SYT12: variants seen among roughly 807,000 people sequenced by gnomAD.
The protein encoded by SYT12 is synaptotagmin-12.
In SYT12, 27 loss-of-function variants were observed where a neutral mutation model predicts 39.5. That is an observed-to-expected ratio of 0.68 (90% CI 0.50 to 0.94). The LOEUF (loss-of-function observed/expected upper bound fraction) is 0.94, where lower values mean the gene tolerates loss of function less well. Among genes scored for constraint, SYT12 ranks in the 40% least tolerant of loss-of-function variants. The pLI, the probability that SYT12 is intolerant of heterozygous loss-of-function variation, is 0.00. For synonymous variants in SYT12, 233 were observed against 239.7 expected, an observed-to-expected ratio of 0.97 and a Z score of 0.26; for missense variants, 536 against 572.6, an observed-to-expected ratio of 0.94 and a Z score of 0.65.
chr11:67,035,002 CTTTTTTT>C (rs11316433), intron 3 of SYT12, among the ~76,000 whole-genome samples, 164 bp downstream of exon 3: 30 of 112,104 alleles, frequency 2.7e-4, no homozygotes, highest in South Asian at 1.4e-3. Context: ...ACATCTTCAA[CTTTTTTT>C]TTTTTTTTTT....
intron 3 of SYT12, among the ~76,000 whole-genome samples, chr11:67,036,688 C>T (rs1468687833): frequency 6.6e-6 from 1 of 152,112 alleles, no homozygotes; most frequent in African/African-American, 2.4e-5. Context: ...GTAATCCCAG[C>T]ACTTTGGGAG....
chr11:67,037,845 C>G (rs12364539), intron 3 of SYT12, among the ~76,000 whole-genome samples: 1 of 149,258 alleles, frequency 6.7e-6, no homozygotes, highest in African/African-American at 2.5e-5. Flanking sequence ...TCGCACCACT[C>G]TACTCCAGCC....
chr11:67,019,403 C>T (rs1438665902), upstream of SYT12, among the ~76,000 whole-genome samples: 1 of 151,336 alleles, frequency 6.6e-6, no homozygotes, highest in African/African-American at 2.4e-5. Flanking sequence ...ACCTGGGAGG[C>T]GGAGGTTGCA....
upstream of SYT12, among the ~76,000 whole-genome samples, chr11:67,019,471 T>G: frequency 7.5e-6 from 1 of 133,732 alleles, no homozygotes; most frequent in South Asian, 2.3e-4. Flanking sequence ...AAACTCCACC[T>G]CAAAAAAAAA....
At chr11:67,013,369 CCTCAGGGCGCTGGTG>C (rs1030582151) in intron 3 of SYT12, among the ~76,000 whole-genome samples, 1 of 152,128 alleles carries the variant, frequency 6.6e-6, no homozygotes, top group Non-Finnish European at 1.5e-5. Context: ...GGGTGCTGGT[CCTCAGGGCGCTGGTG>C]CTCAGGGCCT....
At chr11:67,013,759 T>C (rs1397013859) in intron 3 of SYT12, among the ~76,000 whole-genome samples, 1 of 152,268 alleles carries the variant, frequency 6.6e-6, no homozygotes, top group East Asian at 1.9e-4. Flanking sequence ...AGGCTGGGGC[T>C]AATGCCGTCT....
intron 3 of SYT12, among the ~76,000 whole-genome samples, chr11:67,035,463 T>A (rs1020296773): frequency 6.9e-6 from 1 of 144,578 alleles, no homozygotes. Flanking sequence ...CTTTTCTTTT[T>A]TTTTTTTTTT....
Position 67,044,699 on chromosome 11 carries a change from A to C in SYT12, c.944A>C (p.Asp315Ala), listed in dbSNP as rs192180977. The C allele has an allele frequency of 2.0e-5, 33 of 1,613,676 alleles. No homozygotes were observed. In the East Asian group the frequency reaches 7.1e-4, roughly 35 times the overall value. ...GCCAAGAACCTCATCTGGACCAACG[A>C]CAAGACCACAGCGGGTAAGGCCCAG... ...VKAKNLIWTN[D>A]KTTADPFVKV... is the part of the protein sequence containing the mutation. Residue 315 changes from aspartate to alanine, a missense_variant, in exon 6 of 8, where the codon GAC becomes GCC. Asp to Ala is a moderately radical substitution (Grantham distance 126, BLOSUM62 -2). Transcript: ENST00000527043.
intron 2 of SYT12, among the ~76,000 whole-genome samples, chr11:67,033,206 T>C (rs4930405): frequency 0.98 from 148,118 of 151,782 alleles, 72,375 homozygotes; most frequent in East Asian, 1. Context: ...TTCTTCCCGC[T>C]CTTGACTTCC....
chr11:67,019,142 G>C (rs1950084195), upstream of SYT12, among the ~76,000 whole-genome samples: 1 of 152,188 alleles, frequency 6.6e-6, no homozygotes, highest in South Asian at 2.1e-4. Flanking sequence ...GCAGACGAGA[G>C]AAAATGAGAG....
At chr11:67,023,975 A>G (rs1446218577) in intron 1 of SYT12, among the ~76,000 whole-genome samples, 2 of 152,140 alleles carry the variant, frequency 1.3e-5, no homozygotes, top group African/African-American at 4.8e-5. Context: ...CGCCGGTGGC[A>G]CCAGCCTGAG....
chr11:67,024,259 A>G (rs768681115), intron 1 of SYT12, among the ~76,000 whole-genome samples: 18 of 152,232 alleles, frequency 1.2e-4, no homozygotes, highest in Non-Finnish European at 2.4e-4. Context: ...TCAGGGGATG[A>G]CAGTTTTAGA....
chr11:67,019,220 C>T (rs767731412), upstream of SYT12, among the ~76,000 whole-genome samples: 24 of 152,114 alleles, frequency 1.6e-4, no homozygotes, highest in Non-Finnish European at 2.8e-4. Flanking sequence ...TGCCTGTAAT[C>T]CCAGCACTTT....
intron 1 of SYT12, among the ~76,000 whole-genome samples, chr11:67,008,397 CT>C (rs924733245): frequency 6.6e-6 from 1 of 151,148 alleles, no homozygotes. Flanking sequence ...TACATTTCTT[CT>C]TTTTTTTTAG....
Position 67,043,815 on chromosome 11 carries a change from C to G in SYT12, c.799C>G (p.Pro267Ala), listed in dbSNP as rs143498680. 221 of 1,614,074 alleles carry G rather than the reference C, an allele frequency of 1.4e-4. No homozygotes were observed. The African/African-American group carries it at 2.6e-3, about 19-fold the overall frequency. Residue 267 changes from proline (P) to alanine (A), a missense_variant, in exon 5 of 8, where the codon CCC (proline) becomes GCC (alanine). Physicochemically the swap from Pro to Ala is conservative, Grantham distance 27 (BLOSUM62 -1). Transcript: ENST00000527043. The stretch of plus-strand genomic sequence containing the variant: ...TTCTGTGCTTGACCTCCCGCTGCAG[C>G]CCTTCAGTGGCTGGCTCTATTTACA... ...KLSVLDLPLQ[P>A]FSGWLYLQDQ...
intron 3 of SYT12, among the ~76,000 whole-genome samples, chr11:67,011,451 C>T (rs1950012645): frequency 6.6e-6 from 1 of 152,190 alleles, no homozygotes; most frequent in African/African-American, 2.4e-5. Flanking sequence ...CCATGTTGGT[C>T]AGGCTGATCT....
intron 3 of SYT12, among the ~76,000 whole-genome samples, chr11:67,016,736 A>G (rs1301477340): frequency 6.6e-6 from 1 of 152,132 alleles, no homozygotes; most frequent in East Asian, 1.9e-4. Flanking sequence ...TCTGGGAGCT[A>G]TGCTCGTGCC....
rs778462452 is a variant in SYT12, at chr11:67,034,742, G to A, written c.132G>A (p.Thr44=). The A allele has an allele frequency of 3.3e-5, 53 of 1,603,616 alleles. No individual in the cohort carries two copies. Among genetic ancestry groups the A allele is most frequent in the African/African-American group, 6.7e-5 (5 of 74,264 alleles). ...IAAVSLWKLW[T]SGSFPSPSPF... ...CTGTGAGCCTGTGGAAGCTCTGGAC[G>A]TCGGGGAGCTTCCCCAGCCCCTCTC... is the stretch of plus-strand genomic sequence containing the variant. The change falls in exon 3 of 8, where the codon ACG becomes ACA. Residue 44 remains threonine (T), a synonymous_variant. Coordinates refer to ENST00000527043, the MANE Select transcript of SYT12 (RefSeq NM_177963.4).
chr11:67,040,943 T>TA (rs1299509856), intron 4 of SYT12, among the ~76,000 whole-genome samples: 1 of 151,988 alleles, frequency 6.6e-6, no homozygotes, highest in Non-Finnish European at 1.5e-5. Context: ...TGCTTGAGCC[T>TA]AACCAGGAGT....
Sources: gnomAD v4.1 joint callset for allele counts (sites outside exome capture counted in the v4.1 genomes callset) on GRCh38, gnomAD v4.1.1 for gene constraint, MANE v1.5 for transcripts, NCBI Gene and HGNC (gene_info 2026-07-23, HGNC 2026-07-21) for gene names.